OTOF: variants seen among roughly 807,000 people sequenced by gnomAD.
OTOF encodes otoferlin, also known as fer-1-like family member 2.
Under a neutral mutation model 236.8 loss-of-function variants are expected in OTOF, and 218 were observed. The observed-to-expected ratio is 0.92, with a 90% CI of 0.82 to 1.03. OTOF has a LOEUF of 1.03. Among genes scored for constraint, OTOF ranks in the 50% least tolerant of loss-of-function variants. The pLI is 0.00. For missense variants in OTOF, 2,590 were observed against 2,694.4 expected, an observed-to-expected ratio of 0.96 and a Z score of 0.86; for synonymous variants, 1,041 against 1,072.5, an observed-to-expected ratio of 0.97 and a Z score of 0.57.
chr2:26,473,195 T>C lies in OTOF; in HGVS notation c.3670A>G (p.Ser1224Gly). ...RYTLVGSHAV[S>G]SLRRFIYRPP... is the part of the protein sequence containing the mutation. ...CGGTAGATGAAGCGTCGCAGGGAGC[T>C]GACGGCATGGGAGCCCACCAGTGTG... is the stretch of plus-strand genomic sequence containing the variant. Residue 1224 changes from serine (S) to glycine (G), a missense_variant, in exon 29 of 47, where the codon AGC becomes GGC. Coordinates refer to ENST00000272371, the MANE Select transcript of OTOF (RefSeq NM_194248.3). The surrounding 1 kb of genome is among the most constrained non-coding windows in gnomAD (Gnocchi z 7.2). 6.2e-7 allele frequency: 1 copy of C among 1,613,092 alleles called. No individual in the cohort carries two copies.
At position 26,461,595 on chromosome 2, in the gene OTOF, C is replaced by A; in HGVS notation, c.5533+101G>T. 1 of 1,518,172 alleles carries A rather than the reference C, an allele frequency of 6.6e-7. No homozygotes were observed. Among genetic ancestry groups the A allele is most frequent in the East Asian group, 2.3e-5 (1 of 43,822 alleles). 94.0% of individuals were successfully genotyped at this position (1,518,172 alleles called of 1,614,324 possible). A position where few individuals can be genotyped will look rare whatever the true frequency, so the allele number is the denominator to read the frequency against. On this transcript the variant is annotated intron_variant, in intron 43 of 46. Transcript: ENST00000272371. The surrounding 1 kb of genome is among the most constrained non-coding windows in gnomAD (Gnocchi z 6.2). Reference sequence around the variant, plus strand: ...CTCTGATGGACTGGAAGCAATGACCCCTTGTCCCCCCAAGGCAGGGCTCTC... The same window carrying A: ...CTCTGATGGACTGGAAGCAATGACCACTTGTCCCCCCAAGGCAGGGCTCTC...
At chr2:26,528,922 G>T in intron 2 of OTOF, among the ~76,000 whole-genome samples, 1 of 152,252 alleles carries the variant, frequency 6.6e-6, no homozygotes, top group East Asian at 1.9e-4. Flanking sequence ...GGCATCTGCA[G>T]GGCAGTGGAC....
At chr2:26,502,151 C>G in intron 7 of OTOF, 149 bp downstream of exon 7, 1 of 848,666 alleles carries the variant, frequency 1.2e-6, no homozygotes, top group Non-Finnish European at 1.9e-6. Flanking sequence ...AGAAAAACAC[C>G]CAAGGAAAAG....
intron 5 of OTOF, among the ~76,000 whole-genome samples, chr2:26,515,593 T>C (rs1024377290): frequency 1.4e-4 from 21 of 152,206 alleles, no homozygotes; most frequent in African/African-American, 5.1e-4. Context: ...TAAACTTTAC[T>C]TGGAAAGGAA....
At chr2:26,525,650 G>T (rs895736402) in intron 3 of OTOF, among the ~76,000 whole-genome samples, 1 of 152,194 alleles carries the variant, frequency 6.6e-6, no homozygotes, top group African/African-American at 2.4e-5. Context: ...TGACTGCAAA[G>T]TTGGGTGAAA....
At chr2:26,474,137 C>A (rs780715383) in intron 26 of OTOF, 27 bp from the exon 27 acceptor site, 1 of 1,612,454 alleles carries the variant, frequency 6.2e-7, no homozygotes, top group Admixed American at 1.7e-5. Context: ...ACAGGTCACA[C>A]ACTGGGGAGC....
Position 26,489,200 on chromosome 2 carries a change from C to T in OTOF, c.1045+11G>A, listed in dbSNP as rs1665774291. ...CACACCTCGACTGACTGGCCATGCG[C>T]AGGTACTCACCTGGCTGCGAGTACA... On this transcript the variant is annotated intron_variant, in intron 11 of 46. Transcript: ENST00000272371. The T allele has an allele frequency of 6.2e-7, 1 of 1,601,392 alleles. No individual in the cohort carries two copies. The highest frequency in any genetic ancestry group is 2.2e-5 in the East Asian group (1 of 44,622).
intron 8 of OTOF, among the ~76,000 whole-genome samples, chr2:26,496,778 T>C (rs555443906): frequency 1.7e-3 from 252 of 152,178 alleles, no homozygotes; most frequent in Non-Finnish European, 5.6e-4. Context: ...CCTGACATGT[T>C]GCCAGGTGTG....
In OTOF at chr2:26,462,839, G is replaced by A. The variant is rs1338216941; in HGVS notation, c.5192+644C>T. Among the ~76,000 whole-genome samples the A allele has an allele frequency of 6.6e-6, 1 of 152,208 alleles. No individual in the cohort carries two copies. Among genetic ancestry groups the A allele is most frequent in the African/African-American group, 2.4e-5 (1 of 41,444 alleles). On this transcript the variant is annotated intron_variant, in intron 41 of 46. Coordinates refer to ENST00000272371, the MANE Select transcript of OTOF (RefSeq NM_194248.3). The surrounding 1 kb of genome is among the most constrained non-coding windows in gnomAD (Gnocchi z 4.7). ...ACATAGGAGCATGGAAACAAGAGTG[G>A]GACCCTGTGTGGCTTCCTCCATCCC...
At chr2:26,495,212 AC>A in intron 8 of OTOF, 139 bp from the exon 9 acceptor site, 1 of 750,974 alleles carries the variant, frequency 1.3e-6, no homozygotes, top group African/African-American at 1.7e-5. Context: ...CTCCATTCTG[AC>A]CACTGCCTCT....
intron 5 of OTOF, among the ~76,000 whole-genome samples, chr2:26,515,793 T>C (rs1666508741): frequency 6.6e-6 from 1 of 152,212 alleles, no homozygotes; most frequent in East Asian, 1.9e-4. Flanking sequence ...CTAATAGTAA[T>C]ACAATTGCAT....
At chr2:26,524,319 C>T (rs1044193461) in intron 3 of OTOF, among the ~76,000 whole-genome samples, 1 of 152,188 alleles carries the variant, frequency 6.6e-6, no homozygotes, top group Non-Finnish European at 1.5e-5. Context: ...ACCATCCTGG[C>T]CAACATGGGG....
chr2:26,477,012 C>G lies in OTOF; in HGVS notation c.2555G>C (p.Trp852Ser). 1.2e-6 allele frequency: 2 copies of G among 1,608,426 alleles called. No individual in the cohort carries two copies. Among genetic ancestry groups the G allele is most frequent in the Non-Finnish European group, 1.7e-6 (2 of 1,177,720 alleles). Residue 852 changes from tryptophan (W) to serine (S), a missense_variant, in exon 22 of 47, where the codon TGG becomes TCG. Physicochemically the swap from Trp to Ser is radical, Grantham distance 177 (BLOSUM62 -3). Coordinates refer to ENST00000272371, the MANE Select transcript of OTOF (RefSeq NM_194248.3). This position sits in a 1 kb window ranked among gnomAD's most constrained non-coding sequence, Gnocchi z 4.7. ...GACACGCTTGTTGTTGCTCATCATC[C>G]AGATGAAGATGTCGGGAATGCTGTG... ...PQHSIPDIFI[W>S]MMSNNKRVAY...
At chr2:26,506,216 G>A (rs1440560322) in intron 5 of OTOF, among the ~76,000 whole-genome samples, 2 of 152,176 alleles carry the variant, frequency 1.3e-5, no homozygotes, top group South Asian at 2.1e-4. Context: ...TTGCCCAGCC[G>A]TGCTGCTCAA....
chr2:26,498,576 C>A (rs756057457), intron 8 of OTOF, among the ~76,000 whole-genome samples: 1 of 152,206 alleles, frequency 6.6e-6, no homozygotes, highest in Non-Finnish European at 1.5e-5. Context: ...GATGAAGAGG[C>A]AAACGGAGCC....
At position 26,495,117 on chromosome 2, in the gene OTOF, C is replaced by T. The variant is rs756327797; in HGVS notation, c.766-44G>A. 1.9e-6 allele frequency: 3 copies of T among 1,612,374 alleles called. No homozygotes were observed. In the East Asian group the frequency reaches 6.7e-5, roughly 36 times the overall value. ...GGAGCCAGAAGGAAAGCTGCCTGAG[C>T]CTAGGAGCCTGGTCCCGCAGGGGTC... On this transcript the variant is annotated intron_variant, in intron 8 of 46. Transcript: ENST00000272371.
At chr2:26,494,192 A>T (rs1356078363) in intron 9 of OTOF, among the ~76,000 whole-genome samples, 2 of 152,250 alleles carry the variant, frequency 1.3e-5, no homozygotes, top group Non-Finnish European at 2.9e-5. Flanking sequence ...TGGAGGCCTC[A>T]GTATCCTCCT....
rs771356850 is a variant in OTOF at position 26,473,964 on chromosome 2, G to C, written c.3408+27C>G. Reference sequence around the variant, plus strand: ...GGGTCCTCAGACTCCTCATCCAAAAGGGAAGGGCCACACAGAGCCCTCGCA... The same window carrying C: ...GGGTCCTCAGACTCCTCATCCAAAACGGAAGGGCCACACAGAGCCCTCGCA... On this transcript the variant is annotated intron_variant, in intron 27 of 46. Transcript: ENST00000272371. The surrounding 1 kb of genome is among the most constrained non-coding windows in gnomAD (Gnocchi z 7.2). 3.7e-6 allele frequency: 6 copies of C among 1,612,674 alleles called. No homozygotes were observed. In the Admixed American group the frequency reaches 1.0e-4, roughly 27 times the overall value.
At chr2:26,458,367 A>G in intron 46 of OTOF, 147 bp from the exon 47 acceptor site, 1 of 840,174 alleles carries the variant, frequency 1.2e-6, no homozygotes, top group Non-Finnish European at 2.0e-6. Flanking sequence ...GTTTAAACCC[A>G]TTTCTAAGTA....
Sources: allele counts gnomAD v4.1 joint callset (sites outside exome capture counted in the v4.1 genomes callset), GRCh38; gene constraint gnomAD v4.1.1; non-coding constraint Gnocchi (gnomAD v3.1); transcripts MANE v1.5; gene names NCBI Gene and HGNC (gene_info 2026-07-23, HGNC 2026-07-21).